The following TXLNB variants were observed in gnomAD, a reference collection of about 807,000 sequenced individuals.
The protein encoded by TXLNB is taxilin beta.
Under a neutral mutation model 57.4 loss-of-function variants are expected in TXLNB, and 37 were observed. That is an observed-to-expected ratio of 0.64 (90% CI 0.50 to 0.85). The LOEUF (loss-of-function observed/expected upper bound fraction) is 0.85. Among genes scored for constraint, TXLNB ranks in the 40% least tolerant of loss-of-function variants. The pLI, the probability that TXLNB is intolerant of heterozygous loss-of-function variation, is 0.00. For synonymous variants in TXLNB, 302 were observed against 309.6 expected (o/e 0.98, Z 0.26); for missense variants, 848 against 825.6 (o/e 1.03, Z -0.33).
At chr6:139,212,659 C>T in the TXLNB span, among the ~76,000 whole-genome samples, 1 of 152,136 alleles carries the variant, frequency 6.6e-6, no homozygotes, top group East Asian at 1.9e-4. Context: ...GGGCTAAATG[C>T]TCCAATTAAA....
chr6:139,173,496 T>C, the TXLNB span, among the ~76,000 whole-genome samples: 2 of 152,170 alleles, frequency 1.3e-5, no homozygotes, highest in Admixed American at 6.5e-5. Flanking sequence ...TGAAGACCCA[T>C]AGTCTGACTG....
chr6:139,210,840 C>T, the TXLNB span, among the ~76,000 whole-genome samples: 4 of 152,376 alleles, frequency 2.6e-5, no homozygotes, highest in South Asian at 6.2e-4. Context: ...TTATATCCCG[C>T]GCCTAGCTCG....
the TXLNB span, among the ~76,000 whole-genome samples, chr6:139,186,145 A>G: frequency 6.6e-6 from 1 of 152,248 alleles, no homozygotes; most frequent in Non-Finnish European, 1.5e-5. Flanking sequence ...ATGCAAAAAT[A>G]TATAAATAAC....
chr6:139,252,322 T>C (rs2114470000), intron 7 of TXLNB, among the ~76,000 whole-genome samples: 1 of 152,370 alleles, frequency 6.6e-6, no homozygotes, highest in Non-Finnish European at 1.5e-5. Context: ...TGGAGTGTTA[T>C]GCAAAAGAAT....
At chr6:139,222,190 ACT>A in the TXLNB span, among the ~76,000 whole-genome samples, 31 of 152,172 alleles carry the variant, frequency 2.0e-4, no homozygotes, top group East Asian at 4.1e-3. Flanking sequence ...ATAAAACAAG[ACT>A]CTATATTGTA....
At chr6:139,183,146 C>A in the TXLNB span, 1 of 152,168 alleles carries the variant, frequency 6.6e-6, no homozygotes, top group Non-Finnish European at 1.5e-5. Flanking sequence ...GACAATTGTA[C>A]TCATTTTAGA....
chr6:139,282,963 A>G (rs1199655712), intron 2 of TXLNB: 1 of 145,496 alleles, frequency 6.9e-6, no homozygotes, highest in Non-Finnish European at 1.5e-5. Flanking sequence ...CCCAGCCCAC[A>G]TAATGTTGTC....
the TXLNB span, among the ~76,000 whole-genome samples, chr6:139,181,107 G>A: frequency 1.6e-5 from 2 of 122,462 alleles, no homozygotes; most frequent in Admixed American, 8.7e-5. Flanking sequence ...AGATAGTATA[G>A]TGTTAAAGAT....
At chr6:139,196,058 A>G in the TXLNB span, among the ~76,000 whole-genome samples, 1 of 152,166 alleles carries the variant, frequency 6.6e-6, no homozygotes, top group South Asian at 2.1e-4. Context: ...ATGCACAGGT[A>G]AGACATAATA....
At chr6:139,220,216 C>T in the TXLNB span, among the ~76,000 whole-genome samples, 2 of 152,318 alleles carry the variant, frequency 1.3e-5, no homozygotes, top group South Asian at 4.1e-4. Flanking sequence ...GCAGATCTCC[C>T]ACACACTGAA....
rs368528629 is a variant in TXLNB, at chr6:139,242,675, C to T, written c.1906G>A (p.Ala636Thr). ...ATGGCTGCAACGTGCTCTTCTGCTG[C>T]GCATGCTGGAGCAGGCACATCTGCC... Reference protein sequence around the residue: ...MEADVPAPACAAEEHVAAMVP... With the variant: ...MEADVPAPACTAEEHVAAMVP... The change falls in exon 10 of 10, where the codon GCA becomes ACA. Residue 636 changes from alanine (A) to threonine (T), a missense_variant. Physicochemically the swap from Ala to Thr is moderately conservative, Grantham distance 58 (BLOSUM62 0). Coordinates refer to ENST00000358430, the MANE Select transcript of TXLNB (RefSeq NM_153235.4). The T allele has an allele frequency of 5.0e-6, 8 of 1,611,084 alleles. No homozygotes were observed. The highest frequency in any genetic ancestry group is 1.7e-4 in the Middle Eastern group (1 of 5,988).
chr6:139,228,590 G>A, the TXLNB span, among the ~76,000 whole-genome samples: 4 of 150,938 alleles, frequency 2.7e-5, no homozygotes, highest in African/African-American at 9.7e-5. Context: ...TCCAGGGGCT[G>A]AAATATGGTT....
At chr6:139,205,844 C>A in the TXLNB span, among the ~76,000 whole-genome samples, 2 of 152,066 alleles carry the variant, frequency 1.3e-5, no homozygotes, top group African/African-American at 4.8e-5. Context: ...AAAGTCATCA[C>A]CAGAAGACCA....
At chr6:139,198,987 A>G in the TXLNB span, among the ~76,000 whole-genome samples, 1 of 145,834 alleles carries the variant, frequency 6.9e-6, no homozygotes, top group African/African-American at 2.6e-5. Context: ...TTTTTTTTTA[A>G]ATCATCCAGC....
At chr6:139,193,822 T>TTTTATATATATA in the TXLNB span, among the ~76,000 whole-genome samples, 225 of 92,344 alleles carry the variant, frequency 2.4e-3, 1 homozygote, top group Non-Finnish European at 3.4e-3. Context: ...CCTGGCTAAT[T>TTTTATATATATA]TATATATATA....
intron 2 of TXLNB, among the ~76,000 whole-genome samples, chr6:139,285,999 T>G (rs7752712): frequency 0.38 from 52,586 of 139,226 alleles, 13,749 homozygotes; most frequent in African/African-American, 0.71. Flanking sequence ...CCCTTTGGCT[T>G]ACATTTTCTA....
At chr6:139,209,246 G>T in the TXLNB span, among the ~76,000 whole-genome samples, 2 of 152,032 alleles carry the variant, frequency 1.3e-5, no homozygotes, top group East Asian at 3.9e-4. Context: ...TAATCAAGGA[G>T]GTGAAAGATC....
the TXLNB span, among the ~76,000 whole-genome samples, chr6:139,321,398 C>T: frequency 6.6e-6 from 1 of 152,322 alleles, no homozygotes; most frequent in Admixed American, 6.5e-5. Context: ...AAAATGGGCT[C>T]TGACCAGATA....
At chr6:139,286,542 G>A (rs1338905644) in intron 2 of TXLNB, among the ~76,000 whole-genome samples, 4 of 152,162 alleles carry the variant, frequency 2.6e-5, no homozygotes, top group Non-Finnish European at 5.9e-5. Context: ...GGGCGCAGTG[G>A]CTCACGTCTG....
Sources: gnomAD v4.1 joint callset for allele counts (sites outside exome capture counted in the v4.1 genomes callset) on GRCh38, gnomAD v4.1.1 for gene constraint, MANE v1.5 for transcripts, NCBI Gene and HGNC (gene_info 2026-07-23, HGNC 2026-07-21) for gene names.